The following DCLK2 variants were observed in gnomAD, a reference collection of about 807,000 sequenced individuals.
DCLK2 encodes the protein doublecortin like kinase 2, also known as serine/threonine-protein kinase DCLK2.
A neutral mutation model predicts 78.4 loss-of-function variants in DCLK2; 31 were observed. The ratio of observed to expected loss-of-function variants is 0.40; its 90% CI spans 0.30 to 0.53. The LOEUF (loss-of-function observed/expected upper bound fraction) is 0.53. Ranked by LOEUF, DCLK2 falls within the 20% of genes least tolerant of loss-of-function variation. DCLK2 has a pLI of 0.61. For missense variants in DCLK2, 872 were observed against 973.7 expected, an observed-to-expected ratio of 0.90 and a Z score of 1.39; for synonymous variants, 407 against 374.9, an observed-to-expected ratio of 1.09 and a Z score of -0.99.
At chr4:150,209,199 C>T (rs1304141507) in intron 5 of DCLK2, among the ~76,000 whole-genome samples, 1 of 152,230 alleles carries the variant, frequency 6.6e-6, no homozygotes, top group Non-Finnish European at 1.5e-5. Context: ...GAACCTAGCT[C>T]CTAGGTATTA....
rs1048518950 is a variant in DCLK2 at position 150,111,745 on chromosome 4, C to T, written c.756+8933C>T. Among the ~76,000 whole-genome samples, 3 of 151,864 alleles carry T rather than the reference C, an allele frequency of 2.0e-5. No individual in the cohort carries two copies. In the South Asian group the frequency reaches 6.2e-4, roughly 32 times the overall value. On this transcript the variant is annotated intron_variant, in intron 2 of 15. Transcript: ENST00000296550. ...CACTTACTGAAAAGGGTTTCCTTTC[C>T]CCAGTGTATGCTTTGTCAAAGATCT...
At chr4:150,085,531 C>A (rs1729578397) in intron 1 of DCLK2, among the ~76,000 whole-genome samples, 1 of 152,160 alleles carries the variant, frequency 6.6e-6, no homozygotes, top group Non-Finnish European at 1.5e-5. Context: ...ATGATCTAAT[C>A]ACCTCTTCAA....
intron 8 of DCLK2, among the ~76,000 whole-genome samples, chr4:150,229,155 T>A (rs532976809): frequency 6.6e-6 from 1 of 151,504 alleles, no homozygotes; most frequent in South Asian, 2.1e-4. Flanking sequence ...GCCCTGGCAA[T>A]ATAGTGAGAC....
chr4:150,119,242 G>A (rs1017025076), intron 2 of DCLK2, among the ~76,000 whole-genome samples: 21 of 152,032 alleles, frequency 1.4e-4, no homozygotes, highest in African/African-American at 5.1e-4. Context: ...GATATACCAT[G>A]ATTTATTCAG....
rs11452509 is a variant in DCLK2 at position 150,198,915 on chromosome 4, C to CT, written c.961+812_961+813insT. On this transcript the variant is annotated intron_variant, in intron 4 of 15. Coordinates refer to ENST00000296550, the MANE Select transcript of DCLK2 (RefSeq NM_001040260.4). ...TCGCCCTTTCCCCTTTCAGCACCCCCCCCCCCACTTTCTGTAGGGCAGGTC... is the reference window on the plus strand; with the variant it reads ...TCGCCCTTTCCCCTTTCAGCACCCCCTCCCCCCACTTTCTGTAGGGCAGGTC... The CT allele has an allele frequency of 3.7e-3, 2,140 of 579,718 alleles. 128 individuals carry two copies. Among genetic ancestry groups the CT allele is most frequent in the African/African-American group, 0.036 (1,923 of 53,562 alleles). The allele number at this position is 579,718 out of a possible 1,614,324, so 35.9% of individuals were successfully genotyped here.
At chr4:150,140,175 T>C (rs879933731) in intron 2 of DCLK2, among the ~76,000 whole-genome samples, 1 of 152,206 alleles carries the variant, frequency 6.6e-6, no homozygotes, top group African/African-American at 2.4e-5. Context: ...AAACAATCTG[T>C]TAAAGTAACT....
intron 1 of DCLK2, among the ~76,000 whole-genome samples, chr4:150,102,141 T>C (rs1272107890): frequency 1.3e-5 from 2 of 152,208 alleles, no homozygotes; most frequent in East Asian, 1.9e-4. Flanking sequence ...AATCAGGAAG[T>C]ACTTTAGAAT....
At chr4:150,255,901 GTTA>G (rs1378150283) in intron 15 of DCLK2, 116 bp from the exon 16 acceptor site, 8 of 1,453,050 alleles carry the variant, frequency 5.5e-6, no homozygotes, top group Non-Finnish European at 7.3e-6. Context: ...GAAGCTTGGC[GTTA>G]TTTCTCCTCT....
chr4:150,150,003 A>G (rs1391806832), intron 2 of DCLK2, among the ~76,000 whole-genome samples: 1 of 152,242 alleles, frequency 6.6e-6, no homozygotes, highest in African/African-American at 2.4e-5. Context: ...GACAAAGAAC[A>G]TAATTGAAGT....
chr4:150,196,315 A>AAT (rs1739026906), intron 3 of DCLK2, among the ~76,000 whole-genome samples: 1 of 152,232 alleles, frequency 6.6e-6, no homozygotes, highest in Non-Finnish European at 1.5e-5. Context: ...CTCATATAAA[A>AAT]GAGTAGCAAT....
In DCLK2 at chr4:150,102,663, C is replaced by A; in HGVS notation, c.607C>A (p.Arg203=). 2 of 1,614,050 alleles carry A rather than the reference C, an allele frequency of 1.2e-6. No homozygotes were observed. Among genetic ancestry groups the A allele is most frequent in the Non-Finnish European group, 8.5e-7 (1 of 1,180,006 alleles). Reference sequence around the variant, plus strand: ...CAAACCCAAGTTAGTGACTGTGATTCGAAGTGGAGTGAAGCCTAGAAAAGC... The same window carrying A: ...CAAACCCAAGTTAGTGACTGTGATTAGAAGTGGAGTGAAGCCTAGAAAAGC... ...FIKPKLVTVI[R]SGVKPRKAVR... is the part of the protein sequence containing the mutation. Residue 203 remains arginine, a synonymous_variant, in exon 2 of 16, where the codon CGA becomes AGA. Coordinates refer to ENST00000296550, the MANE Select transcript of DCLK2 (RefSeq NM_001040260.4).
chr4:150,212,011 T>C (rs1740354670), intron 5 of DCLK2, among the ~76,000 whole-genome samples: 1 of 152,226 alleles, frequency 6.6e-6, no homozygotes, highest in African/African-American at 2.4e-5. Flanking sequence ...TCATCATTCA[T>C]GTTCCAGTTT....
At chr4:150,223,520 A>G (rs1741353905) in intron 7 of DCLK2, among the ~76,000 whole-genome samples, 1 of 152,050 alleles carries the variant, frequency 6.6e-6, no homozygotes. Context: ...GAGGCGGGAG[A>G]ATCACCTGAG....
chr4:150,136,855 A>C (rs1733720574), intron 2 of DCLK2, among the ~76,000 whole-genome samples: 3 of 152,128 alleles, frequency 2.0e-5, no homozygotes. Context: ...GAAGCCAAAT[A>C]AATATTAATT....
intron 1 of DCLK2, among the ~76,000 whole-genome samples, chr4:150,097,973 C>A (rs907804396): frequency 6.6e-6 from 1 of 152,066 alleles, no homozygotes; most frequent in Non-Finnish European, 1.5e-5. Flanking sequence ...TGTAGTTGAA[C>A]AAGTTGGGTT....
intron 2 of DCLK2, among the ~76,000 whole-genome samples, chr4:150,113,844 G>A (rs909282005): frequency 1.3e-5 from 2 of 151,892 alleles, no homozygotes; most frequent in African/African-American, 2.4e-5. Context: ...ATTAGGTTGT[G>A]AATTTGTGAT....
chr4:150,119,103 T>C (rs1732336056), intron 2 of DCLK2, among the ~76,000 whole-genome samples: 1 of 152,014 alleles, frequency 6.6e-6, no homozygotes, highest in Non-Finnish European at 1.5e-5. Flanking sequence ...TTTGTGCACA[T>C]ACTTTTTAAA....
chr4:150,123,450 G>A (rs62338178), intron 2 of DCLK2, among the ~76,000 whole-genome samples: 25,134 of 152,034 alleles, frequency 0.17, 2,223 homozygotes, highest in Admixed American at 0.21. Flanking sequence ...TTACATGAGC[G>A]CAGTTTCTGG....
chr4:150,089,391 T>C (rs1487286088), intron 1 of DCLK2, among the ~76,000 whole-genome samples: 1 of 152,224 alleles, frequency 6.6e-6, no homozygotes, highest in Non-Finnish European at 1.5e-5. Context: ...AGGAAACTTT[T>C]GAGGAAAGTT....
Sources: gnomAD v4.1 joint callset for allele counts (sites outside exome capture counted in the v4.1 genomes callset) on GRCh38, gnomAD v4.1.1 for gene constraint, MANE v1.5 for transcripts, NCBI Gene and HGNC (gene_info 2026-07-23, HGNC 2026-07-21) for gene names.